Variants in ROR1 observed in about 807,000 individuals in gnomAD.
ROR1 encodes inactive tyrosine-protein kinase transmembrane receptor ROR1.
Under a neutral mutation model 78.8 loss-of-function variants are expected in ROR1, and 19 were observed. That is an observed-to-expected ratio of 0.24 (90% CI 0.17 to 0.35). ROR1 has a LOEUF of 0.35. Among genes scored for constraint, ROR1 ranks in the 10% least tolerant of loss-of-function variants. The pLI is 1.00. For missense variants in ROR1, 917 were observed against 1,177.8 expected, an observed-to-expected ratio of 0.78 and a Z score of 3.24; for synonymous variants, 386 against 433.6, an observed-to-expected ratio of 0.89 and a Z score of 1.36.
At chr1:64,137,274 C>T (rs1250507140) in intron 4 of ROR1, 95 bp from the exon 5 acceptor site, 1 of 1,353,792 alleles carries the variant, frequency 7.4e-7, no homozygotes, top group Non-Finnish European at 1.0e-6. Context: ...CAACTGTGCC[C>T]CCTAGTGACT....
intron 4 of ROR1, among the ~76,000 whole-genome samples, chr1:64,121,098 T>TTTTTTTTGA (rs1648520288): frequency 9.0e-6 from 1 of 111,060 alleles, no homozygotes; most frequent in African/African-American, 3.3e-5. Flanking sequence ...TTTTTTTTTT[T>TTTTTTTTGA]GCTCAGCCCT....
intron 4 of ROR1, among the ~76,000 whole-genome samples, chr1:64,091,619 A>G (rs1464263480): frequency 6.6e-6 from 1 of 151,910 alleles, no homozygotes; most frequent in Non-Finnish European, 1.5e-5. Context: ...CTCATGTCCT[A>G]CCCTCTCACA....
At chr1:63,902,986 A>AGG in intron 1 of ROR1, among the ~76,000 whole-genome samples, 1 of 152,304 alleles carries the variant, frequency 6.6e-6, no homozygotes, top group East Asian at 1.9e-4. Context: ...AAGCTGAATC[A>AGG]GCCCTCTTTC....
chr1:63,924,740 T>C (rs907603139), intron 1 of ROR1, among the ~76,000 whole-genome samples: 39 of 152,166 alleles, frequency 2.6e-4, no homozygotes, highest in Middle Eastern at 6.8e-3. Flanking sequence ...TTGAAACAAG[T>C]ATTTAACAAG....
At chr1:64,012,662 G>A (rs545368379) in intron 2 of ROR1, among the ~76,000 whole-genome samples, 2 of 152,308 alleles carry the variant, frequency 1.3e-5, no homozygotes, top group Non-Finnish European at 2.9e-5. Flanking sequence ...GCCACCATTA[G>A]TAAGGGTTAG....
chr1:64,150,361 A>G (rs1438968074), intron 7 of ROR1, among the ~76,000 whole-genome samples: 1 of 152,240 alleles, frequency 6.6e-6, no homozygotes, highest in East Asian at 1.9e-4. Context: ...CAAAGGGCGC[A>G]TTGCCCAGTT....
intron 1 of ROR1, among the ~76,000 whole-genome samples, chr1:63,970,954 T>C (rs1182708983): frequency 1.3e-5 from 2 of 152,186 alleles, no homozygotes; most frequent in African/African-American, 2.4e-5. Context: ...TCTATGTTTC[T>C]CTGGTTGTCA....
At chr1:64,147,273 T>C (rs995413664) in intron 7 of ROR1, among the ~76,000 whole-genome samples, 2 of 152,364 alleles carry the variant, frequency 1.3e-5, no homozygotes, top group Non-Finnish European at 2.9e-5. Flanking sequence ...GTGAAAATCC[T>C]GAGGACTGGT....
intron 8 of ROR1, among the ~76,000 whole-genome samples, chr1:64,166,163 G>T (rs1557681452): frequency 6.6e-6 from 1 of 152,188 alleles, no homozygotes; most frequent in East Asian, 1.9e-4. Context: ...GTTTGTTAAA[G>T]ATCAGGTAGT....
At chr1:64,142,949 A>T in intron 7 of ROR1, 1 of 1,182,218 alleles carries the variant, frequency 8.5e-7, no homozygotes, top group East Asian at 4.7e-5. Context: ...TTTTTATAGA[A>T]AAAGATGTTA....
chr1:64,161,254 C>T (rs1444030351), intron 8 of ROR1, among the ~76,000 whole-genome samples: 3 of 152,140 alleles, frequency 2.0e-5, no homozygotes, highest in Admixed American at 1.3e-4. Context: ...CCCCAAGGTC[C>T]AAGAGCTAGT....
chr1:64,128,823 G>A (rs375525255), intron 4 of ROR1, among the ~76,000 whole-genome samples: 1 of 152,210 alleles, frequency 6.6e-6, no homozygotes, highest in South Asian at 2.1e-4. Context: ...AAGTGGCAGG[G>A]CATGAGGTCA....
At chr1:63,933,095 T>C (rs1287662710) in intron 1 of ROR1, among the ~76,000 whole-genome samples, 1 of 152,182 alleles carries the variant, frequency 6.6e-6, no homozygotes, top group Non-Finnish European at 1.5e-5. Flanking sequence ...ACTGACCCTC[T>C]TTTTAATTTT....
chr1:63,871,342 G>A (rs1211476686), intron 1 of ROR1, among the ~76,000 whole-genome samples: 2 of 152,164 alleles, frequency 1.3e-5, no homozygotes, highest in East Asian at 3.9e-4. Context: ...GAGGCCTCGA[G>A]CTGAGGAAGT....
At chr1:64,014,773 T>TATATATATATATATATATATATATATAC (rs71056017) in intron 2 of ROR1, among the ~76,000 whole-genome samples, 4 of 46,994 alleles carry the variant, frequency 8.5e-5, no homozygotes, top group African/African-American at 2.2e-4. Flanking sequence ...TATATATATA[T>TATATATATATATATATATATATATATAC]ACACATTTTG....
chr1:63,805,059 T>C (rs74698891), intron 1 of ROR1, among the ~76,000 whole-genome samples: 5,135 of 152,346 alleles, frequency 0.034, 304 homozygotes, highest in African/African-American at 0.12. Context: ...CTGAATGCGC[T>C]GAAAGGGAGG....
chr1:63,835,062 T>C (rs1205766424), intron 1 of ROR1, among the ~76,000 whole-genome samples: 1 of 152,060 alleles, frequency 6.6e-6, no homozygotes, highest in African/African-American at 2.4e-5. Context: ...GTCACACAGC[T>C]TCAAATAAGG....
At chr1:64,003,821 G>T (rs1417913318) in intron 1 of ROR1, among the ~76,000 whole-genome samples, 1 of 152,220 alleles carries the variant, frequency 6.6e-6, no homozygotes, top group Non-Finnish European at 1.5e-5. Context: ...ACTAGGGAGA[G>T]GAAAGAAACA....
chr1:63,836,122 T>A (rs1050478006), intron 1 of ROR1, among the ~76,000 whole-genome samples: 26 of 152,330 alleles, frequency 1.7e-4, no homozygotes, highest in Non-Finnish European at 3.5e-4. Flanking sequence ...ATAGCCCCAC[T>A]GGGGTCAGGA....
Sources: allele counts gnomAD v4.1 joint callset (sites outside exome capture counted in the v4.1 genomes callset), GRCh38; gene constraint gnomAD v4.1.1; transcripts MANE v1.5; gene names NCBI Gene and HGNC (gene_info 2026-07-23, HGNC 2026-07-21).